SLC39A8: variants seen among roughly 807,000 people sequenced by gnomAD.
The protein encoded by SLC39A8 is solute carrier family 39 member 8, also known as metal cation symporter ZIP8.
Under a neutral mutation model 40.4 loss-of-function variants are expected in SLC39A8, and 15 were observed. That is an observed-to-expected ratio of 0.37 (90% CI 0.25 to 0.57). The LOEUF (loss-of-function observed/expected upper bound fraction) is 0.57. Ranked by LOEUF, SLC39A8 falls within the 20% of genes least tolerant of loss-of-function variation. The pLI, the probability that SLC39A8 is intolerant of heterozygous loss-of-function variation, is 0.75. For synonymous variants in SLC39A8, 223 were observed against 221.6 expected (o/e 1.01, Z -0.06); for missense variants, 472 against 558.8 (o/e 0.84, Z 1.57).
downstream of SLC39A8, among the ~76,000 whole-genome samples, chr4:102,258,332 T>C (rs1731760753): frequency 6.6e-6 from 1 of 152,144 alleles, no homozygotes; most frequent in Admixed American, 6.5e-5. Flanking sequence ...AAAACAACTT[T>C]TAATTTTATT....
intron 6 of SLC39A8, among the ~76,000 whole-genome samples, chr4:102,283,549 C>T (rs913109282): frequency 7.3e-6 from 1 of 136,594 alleles, no homozygotes; most frequent in Admixed American, 7.1e-5. Context: ...GCTAACACTT[C>T]ACACACAATT....
intron 11 of SLC39A8, among the ~76,000 whole-genome samples, chr4:102,253,826 G>C (rs1361169519): frequency 6.6e-6 from 1 of 151,964 alleles, no homozygotes; most frequent in African/African-American, 2.4e-5. Context: ...ATAACAAAAA[G>C]TGTGGCTATA....
intron 2 of SLC39A8, among the ~76,000 whole-genome samples, chr4:102,320,431 T>TAC (rs1734903789): frequency 1.8e-5 from 2 of 109,108 alleles, no homozygotes; most frequent in Non-Finnish European, 1.8e-5. Flanking sequence ...AGAATATATA[T>TAC]ATATGAGAAT....
chr4:102,292,302 C>A (rs574842797), intron 6 of SLC39A8, among the ~76,000 whole-genome samples: 4 of 152,084 alleles, frequency 2.6e-5, no homozygotes, highest in South Asian at 2.1e-4. Context: ...TAACATTATA[C>A]CCTATAAATA....
At chr4:102,291,029 C>T (rs1733417324) in intron 6 of SLC39A8, among the ~76,000 whole-genome samples, 2 of 152,034 alleles carry the variant, frequency 1.3e-5, no homozygotes, top group African/African-American at 4.8e-5. Context: ...TCAACCTCTC[C>T]CTGTCTGCCT....
chr4:102,291,998 G>A (rs1265965213), intron 6 of SLC39A8, among the ~76,000 whole-genome samples: 1 of 151,868 alleles, frequency 6.6e-6, no homozygotes, highest in African/African-American at 2.4e-5. Flanking sequence ...TAAAAAAGTT[G>A]AGCTCATAAA....
intron 2 of SLC39A8, among the ~76,000 whole-genome samples, chr4:102,331,443 G>T (rs562134408): frequency 6.6e-6 from 1 of 152,040 alleles, no homozygotes; most frequent in Non-Finnish European, 1.5e-5. Flanking sequence ...AAAATACCTA[G>T]GAATACAGCT....
rs148078590 is a variant in SLC39A8 at position 102,285,444 on chromosome 4, T to C, written c.841-17365A>G. Among the ~76,000 whole-genome samples the C allele has an allele frequency of 5.2e-3, 794 of 152,262 alleles. 3 individuals are homozygous for C. Among genetic ancestry groups the C allele is most frequent in the Middle Eastern group, 0.031 (9 of 294 alleles). ...TAATCAATGCCCTAACTCTAACCCT[T>C]AATACTTTTATTAAGAGTCAGCACT... is the stretch of plus-strand genomic sequence containing the variant. On this transcript the variant is annotated intron_variant, in intron 6 of 8. Transcript: ENST00000356736.
rs1212757539 is a variant in SLC39A8, at chr4:102,253,411, T to G, written c.*318A>C. The G allele has an allele frequency of 4.2e-6, 3 of 716,710 alleles. No individual in the cohort carries two copies. In the East Asian group the frequency reaches 8.0e-5, roughly 19 times the overall value. The allele number at this position is 716,710 out of a possible 1,614,324, so 44.4% of individuals were successfully genotyped here. A position where few individuals can be genotyped will look rare whatever the true frequency, so the allele number is the denominator to read the frequency against. ...AGATGTGGAGGTGAAATACTCCAGA[T>G]AATGAAATTACTACCTTGCCTGACA... On this transcript the variant is annotated 3_prime_UTR_variant and NMD_transcript_variant, in exon 12 of 12. Coordinates refer to the SLC39A8 transcript ENST00000424970.
At chr4:102,320,205 A>ATATATATATATGTGTATATATATATG (rs1734861199) in intron 2 of SLC39A8, among the ~76,000 whole-genome samples, 1 of 136,448 alleles carries the variant, frequency 7.3e-6, no homozygotes, top group African/African-American at 2.8e-5. Flanking sequence ...ATATATATGT[A>ATATATATATATGTGTATATATATATG]TATATATATG....
rs536714665 is a variant in SLC39A8, at chr4:102,328,774, C to T, written c.220-12944G>A. Among the ~76,000 whole-genome samples, 21 of 152,062 alleles carry T rather than the reference C, an allele frequency of 1.4e-4. No homozygotes were observed. In the South Asian group the frequency reaches 4.4e-3, roughly 32 times the overall value. ...GGCACGGTGGCTCACGCCTGTAATC[C>T]CAGCACTTTGGGAGACCAAGGTGGG... On this transcript the variant is annotated intron_variant, in intron 2 of 8. Transcript: ENST00000356736.
chr4:102,287,235 T>C (rs1024356424), intron 6 of SLC39A8, among the ~76,000 whole-genome samples: 1 of 152,132 alleles, frequency 6.6e-6, no homozygotes, highest in African/African-American at 2.4e-5. Flanking sequence ...ATGAACCCCT[T>C]TAAATTGTAT....
At chr4:102,264,969 A>G (rs1384806205) in intron 8 of SLC39A8, among the ~76,000 whole-genome samples, 1 of 152,238 alleles carries the variant, frequency 6.6e-6, no homozygotes, top group Non-Finnish European at 1.5e-5. Flanking sequence ...CTTTCTATCC[A>G]TACCACGTAA....
intron 6 of SLC39A8, among the ~76,000 whole-genome samples, chr4:102,303,292 T>A (rs1733995668): frequency 1.3e-5 from 2 of 151,956 alleles, no homozygotes; most frequent in Admixed American, 6.6e-5. Flanking sequence ...CTTTTCAGCA[T>A]CCCTTTTTGA....
chr4:102,265,745 A>G (rs1732069857), intron 8 of SLC39A8, among the ~76,000 whole-genome samples: 1 of 152,232 alleles, frequency 6.6e-6, no homozygotes, highest in South Asian at 2.1e-4. Flanking sequence ...TCTTTCAGGC[A>G]TCAACAAGAG....
chr4:102,269,042 G>A (rs1294340686), intron 6 of SLC39A8, among the ~76,000 whole-genome samples: 1 of 151,968 alleles, frequency 6.6e-6, no homozygotes, highest in Non-Finnish European at 1.5e-5. Flanking sequence ...TTGAACTTCT[G>A]AAATTTGTAA....
intron 3 of SLC39A8, among the ~76,000 whole-genome samples, chr4:102,310,143 C>T (rs1734365488): frequency 6.6e-6 from 1 of 151,960 alleles, no homozygotes. Context: ...CTATGTTTTC[C>T]CAACCGAGCT....
At chr4:102,321,132 A>G (rs1481489738) in intron 2 of SLC39A8, among the ~76,000 whole-genome samples, 1 of 152,158 alleles carries the variant, frequency 6.6e-6, no homozygotes, top group Non-Finnish European at 1.5e-5. Flanking sequence ...TGTGGCAGAA[A>G]TAAATTAGAT....
chr4:102,273,302 C>T (rs963962976), intron 6 of SLC39A8, among the ~76,000 whole-genome samples: 1 of 152,166 alleles, frequency 6.6e-6, no homozygotes, highest in African/African-American at 2.4e-5. Flanking sequence ...AGGCAGTTTT[C>T]CCTTCATAAT....
Sources: allele counts gnomAD v4.1 joint callset (sites outside exome capture counted in the v4.1 genomes callset), GRCh38; gene constraint gnomAD v4.1.1; transcripts MANE v1.5; gene names NCBI Gene and HGNC (gene_info 2026-07-23, HGNC 2026-07-21).